ROCK2: variants seen among roughly 807,000 people sequenced by gnomAD.
ROCK2 encodes the protein Rho associated coiled-coil containing protein kinase 2.
A neutral mutation model predicts 195.1 loss-of-function variants in ROCK2; 61 were observed. The ratio of observed to expected loss-of-function variants is 0.31; its 90% CI spans 0.25 to 0.39. The LOEUF (loss-of-function observed/expected upper bound fraction) is 0.39, where lower values mean the gene tolerates loss of function less well. Ranked by LOEUF, ROCK2 falls within the 10% of genes least tolerant of loss-of-function variation. The pLI is 1.00. For synonymous variants in ROCK2, 504 were observed against 545.5 expected, an observed-to-expected ratio of 0.92 and a Z score of 1.06; for missense variants, 1,109 against 1,637.4, an observed-to-expected ratio of 0.68 and a Z score of 5.57.
intron 3 of ROCK2, among the ~76,000 whole-genome samples, chr2:11,267,212 A>G (rs898205758): frequency 1.3e-5 from 2 of 152,224 alleles, no homozygotes; most frequent in African/African-American, 4.8e-5. Flanking sequence ...AGGCAATAAT[A>G]CAATTAACCC....
intron 20 of ROCK2, among the ~76,000 whole-genome samples, chr2:11,205,597 A>AT (rs11376737): frequency 0.3 from 42,476 of 142,284 alleles, 6,404 homozygotes; most frequent in East Asian, 0.54. Flanking sequence ...CATTGCATGT[A>AT]TTTTTTTTTT....
At chr2:11,315,722 A>G (rs781704049) in intron 1 of ROCK2, among the ~76,000 whole-genome samples, 2 of 152,174 alleles carry the variant, frequency 1.3e-5, no homozygotes, top group Non-Finnish European at 2.9e-5. Context: ...TAGACTGGTA[A>G]GCAAGGCAAG....
At chr2:11,249,563 G>A in intron 4 of ROCK2, 98 bp downstream of exon 4, 1 of 953,504 alleles carries the variant, frequency 1.0e-6, no homozygotes, top group Non-Finnish European at 1.5e-6. Context: ...CTGTTACCAT[G>A]TAAATGAAGC....
At chr2:11,234,149 A>G (rs1460415295) in intron 5 of ROCK2, 1 of 152,112 alleles carries the variant, frequency 6.6e-6, no homozygotes, top group East Asian at 1.9e-4. Flanking sequence ...TAGTAAACAA[A>G]ATTAGGCCAT....
chr2:11,331,638 C>A (rs948805948), intron 1 of ROCK2, among the ~76,000 whole-genome samples: 3 of 151,716 alleles, frequency 2.0e-5, no homozygotes, highest in African/African-American at 7.3e-5. Flanking sequence ...TCAGAAATAA[C>A]CCAATTAGCC....
chr2:11,339,176 T>C (rs968723946), intron 1 of ROCK2, among the ~76,000 whole-genome samples: 2 of 152,124 alleles, frequency 1.3e-5, no homozygotes, highest in Non-Finnish European at 2.9e-5. Context: ...ACTGAAGTGT[T>C]TGAAGGTGAA....
intron 20 of ROCK2, 110 bp from the exon 21 acceptor site, chr2:11,202,231 G>C (rs1458501520): frequency 4.8e-6 from 4 of 833,568 alleles, no homozygotes; most frequent in African/African-American, 1.7e-5. Flanking sequence ...TTCTTCCACA[G>C]AACCCATAAG....
intron 3 of ROCK2, among the ~76,000 whole-genome samples, chr2:11,262,715 A>T (rs1453144296): frequency 2.0e-5 from 3 of 152,056 alleles, no homozygotes; most frequent in Non-Finnish European, 2.9e-5. Context: ...AAGTCCAATA[A>T]ACTTCTTTCT....
In ROCK2 at chr2:11,192,734, T is replaced by C. The variant is rs1161194516; in HGVS notation, c.3688-22A>G. The C allele has an allele frequency of 1.3e-6, 2 of 1,588,852 alleles. No individual in the cohort carries two copies. Among genetic ancestry groups the C allele is most frequent in the African/African-American group, 1.4e-5 (1 of 73,856 alleles). ...GAATCTATGAATGCCAAAAGAACAA[T>C]AAGTGATTTCCAAACATGCTATTTT... On this transcript the variant is annotated intron_variant, in intron 30 of 32. Coordinates refer to ENST00000315872, the MANE Select transcript of ROCK2 (RefSeq NM_004850.5). This position sits in a 1 kb window ranked among gnomAD's most constrained non-coding sequence, Gnocchi z 5.0.
chr2:11,316,756 C>T (rs1668205590), intron 1 of ROCK2, among the ~76,000 whole-genome samples: 4 of 152,112 alleles, frequency 2.6e-5, no homozygotes, highest in Admixed American at 2.6e-4. Context: ...TGCTTAGGTT[C>T]CTACGATATG....
At chr2:11,332,988 G>A (rs769754888) in intron 1 of ROCK2, among the ~76,000 whole-genome samples, 2 of 152,172 alleles carry the variant, frequency 1.3e-5, no homozygotes, top group Non-Finnish European at 2.9e-5. Flanking sequence ...ACAGAAAGCA[G>A]ATCAGTGGTT....
chr2:11,308,776 T>C, intron 1 of ROCK2: 6 of 1,612,550 alleles, frequency 3.7e-6, no homozygotes, highest in South Asian at 2.2e-5. Flanking sequence ...AAAAAAGGTT[T>C]ACCAGCACCA....
At chr2:11,185,066 ACATAAC>A (rs551930299) in intron 32 of ROCK2, among the ~76,000 whole-genome samples, 12 of 152,188 alleles carry the variant, frequency 7.9e-5, no homozygotes, top group Non-Finnish European at 1.2e-4. Context: ...CCAGATAAAC[ACATAAC>A]CATCCTGATG....
chr2:11,249,619 C>T, intron 4 of ROCK2, 42 bp downstream of exon 4: 1 of 1,389,204 alleles, frequency 7.2e-7, no homozygotes, highest in African/African-American at 1.5e-5. Context: ...ATAAAGCACT[C>T]ATAAAAAAAG....
At chr2:11,243,460 A>G (rs1010516899) in intron 4 of ROCK2, among the ~76,000 whole-genome samples, 1 of 152,228 alleles carries the variant, frequency 6.6e-6, no homozygotes, top group African/African-American at 2.4e-5. Flanking sequence ...AGTGATAAAT[A>G]TGGTAAATCA....
At chr2:11,195,537 T>C (rs1262567170) in intron 27 of ROCK2, among the ~76,000 whole-genome samples, 2 of 152,208 alleles carry the variant, frequency 1.3e-5, no homozygotes, top group African/African-American at 4.8e-5. Context: ...TTTTTTGAGA[T>C]GGAGTCTTGC....
At position 11,198,790 on chromosome 2, in the gene ROCK2, G is replaced by A; in HGVS notation, c.2911-16C>T. On this transcript the variant is annotated splice_polypyrimidine_tract_variant and intron_variant, in intron 23 of 32. Coordinates refer to ENST00000315872, the MANE Select transcript of ROCK2 (RefSeq NM_004850.5). Reference sequence around the variant, plus strand: ...TTTCCTCAAGCTAAGAAATGAAAGAGGAAAAAATAATCACATCCCAATTTA... The same window carrying A: ...TTTCCTCAAGCTAAGAAATGAAAGAAGAAAAAATAATCACATCCCAATTTA... 6.8e-7 allele frequency: 1 copy of A among 1,464,316 alleles called. No individual in the cohort carries two copies. The highest frequency in any genetic ancestry group is 1.8e-4 in the Middle Eastern group (1 of 5,564). The allele number at this position is 1,464,316 out of a possible 1,614,324, so 90.7% of individuals were successfully genotyped here. A position where few individuals can be genotyped will look rare whatever the true frequency, so the allele number is the denominator to read the frequency against.
intron 3 of ROCK2, among the ~76,000 whole-genome samples, chr2:11,281,221 A>AC (rs1666991098): frequency 6.6e-6 from 1 of 151,506 alleles, no homozygotes; most frequent in South Asian, 2.1e-4. Context: ...AAAAAAAAAA[A>AC]AAAAAAAAAA....
intron 3 of ROCK2, among the ~76,000 whole-genome samples, chr2:11,285,907 C>T (rs1014806674): frequency 6.6e-6 from 1 of 151,950 alleles, no homozygotes; most frequent in African/African-American, 2.4e-5. Flanking sequence ...TTGTTCTTAA[C>T]AAAATCCATG....
Sources: allele counts gnomAD v4.1 joint callset (sites outside exome capture counted in the v4.1 genomes callset), GRCh38; gene constraint gnomAD v4.1.1; non-coding constraint Gnocchi (gnomAD v3.1); transcripts MANE v1.5; gene names NCBI Gene and HGNC (gene_info 2026-07-23, HGNC 2026-07-21).